Variants in ADGRV1 observed in about 807,000 individuals in gnomAD.
ADGRV1 encodes the protein G-protein coupled receptor 98.
A neutral mutation model predicts 596.2 loss-of-function variants in ADGRV1; 359 were observed. That is an observed-to-expected ratio of 0.60 (90% CI 0.55 to 0.66). ADGRV1 has a LOEUF of 0.66. Among genes scored for constraint, ADGRV1 ranks in the 30% least tolerant of loss-of-function variants. The pLI is 0.00. For missense variants in ADGRV1, 7,274 were observed against 7,575.6 expected, an observed-to-expected ratio of 0.96 and a Z score of 1.48; for synonymous variants, 2,681 against 2,679.2, an observed-to-expected ratio of 1.00 and a Z score of -0.02.
At chr5:91,024,069 A>C (rs894477360) in intron 85 of ADGRV1, among the ~76,000 whole-genome samples, 1 of 152,166 alleles carries the variant, frequency 6.6e-6, no homozygotes, top group African/African-American at 2.4e-5. Flanking sequence ...GGGGCCAAGC[A>C]TGAGTAGGTT....
At chr5:90,818,873 T>A (rs1308177775) in intron 75 of ADGRV1, among the ~76,000 whole-genome samples, 4 of 149,324 alleles carry the variant, frequency 2.7e-5, no homozygotes, top group Admixed American at 1.3e-4. Flanking sequence ...GGTCTAAAAT[T>A]CTCTTTTTTG....
chr5:90,791,407 G>A lies in ADGRV1; in HGVS notation c.14517+61G>A, dbSNP rs992946652. On this transcript the variant is annotated intron_variant, in intron 70 of 89. Transcript: ENST00000405460. ...ATAAAACCCTTTCAGGAGTGCCCATGCTTACCTCATAATCAGTTTGAAATC... is the reference window on the plus strand; with the variant it reads ...ATAAAACCCTTTCAGGAGTGCCCATACTTACCTCATAATCAGTTTGAAATC... 1.1e-5 allele frequency: 13 copies of A among 1,201,258 alleles called. 1 individual carries two copies. The African/African-American group carries it at 1.2e-4, about 11-fold the overall frequency. The allele number at this position is 1,201,258 out of a possible 1,614,324, so 74.4% of individuals were successfully genotyped here.
At chr5:90,850,856 C>T (rs1372271421) in intron 79 of ADGRV1, 1 of 152,002 alleles carries the variant, frequency 6.6e-6, no homozygotes, top group African/African-American at 2.4e-5. Flanking sequence ...GCTGTATTCA[C>T]TGGGCCTAGA....
chr5:90,566,245 A>T (rs1446131683), intron 1 of ADGRV1, among the ~76,000 whole-genome samples: 2 of 152,192 alleles, frequency 1.3e-5, no homozygotes, highest in Non-Finnish European at 2.9e-5. Flanking sequence ...GCCTGATACA[A>T]GGTCACAAAA....
At chr5:90,629,785 G>A (rs888766691) in intron 9 of ADGRV1, 7 of 320,018 alleles carry the variant, frequency 2.2e-5, no homozygotes, top group South Asian at 1.2e-4. Flanking sequence ...TACACCAGAC[G>A]TGAAATGCCA....
chr5:91,138,324 A>G (rs1794814857), intron 87 of ADGRV1, among the ~76,000 whole-genome samples: 1 of 151,252 alleles, frequency 6.6e-6, no homozygotes, highest in African/African-American at 2.4e-5. Flanking sequence ...CTAAAATTTG[A>G]TATCAATTTT....
chr5:90,677,130 C>T (rs760661853), intron 25 of ADGRV1, among the ~76,000 whole-genome samples: 11 of 152,022 alleles, frequency 7.2e-5, no homozygotes, highest in African/African-American at 2.4e-4. Context: ...TTACAAAACC[C>T]GGTATCATTA....
intron 77 of ADGRV1, among the ~76,000 whole-genome samples, chr5:90,829,489 G>A (rs1209389887): frequency 6.6e-6 from 1 of 152,162 alleles, no homozygotes; most frequent in Non-Finnish European, 1.5e-5. Context: ...TCTTCAGAAT[G>A]TAACTGTTGA....
chr5:90,970,474 C>A (rs887998788), intron 84 of ADGRV1, among the ~76,000 whole-genome samples: 1 of 151,944 alleles, frequency 6.6e-6, no homozygotes, highest in Non-Finnish European at 1.5e-5. Context: ...AGGCATCCCC[C>A]AGTAGGGGCA....
chr5:90,926,550 G>A (rs1416465756), intron 83 of ADGRV1, among the ~76,000 whole-genome samples: 1 of 151,704 alleles, frequency 6.6e-6, no homozygotes, highest in Non-Finnish European at 1.5e-5. Flanking sequence ...CTTGCTAGCG[G>A]TCTATCAATT....
chr5:91,003,273 G>A (rs1411539086), intron 85 of ADGRV1, among the ~76,000 whole-genome samples: 1 of 152,170 alleles, frequency 6.6e-6, no homozygotes, highest in East Asian at 1.9e-4. Flanking sequence ...TGAATACCAG[G>A]TAAACCATTA....
At chr5:91,019,611 C>T (rs1384663385) in intron 85 of ADGRV1, among the ~76,000 whole-genome samples, 2 of 151,832 alleles carry the variant, frequency 1.3e-5, no homozygotes, top group Admixed American at 6.6e-5. Flanking sequence ...GATATGATGC[C>T]ACTTGATCCC....
At chr5:90,580,952 A>C (rs1757951199) in intron 1 of ADGRV1, among the ~76,000 whole-genome samples, 1 of 151,814 alleles carries the variant, frequency 6.6e-6, no homozygotes, top group Non-Finnish European at 1.5e-5. Flanking sequence ...TGTTCGTTTT[A>C]TTTTACTCTT....
At chr5:90,744,981 T>C (rs984118356) in intron 50 of ADGRV1, 65 bp from the exon 51 acceptor site, 6 of 1,157,288 alleles carry the variant, frequency 5.2e-6, no homozygotes, top group Non-Finnish European at 7.7e-6. Context: ...TTGGAACCGA[T>C]GCAGGGAGTG....
At chr5:91,039,216 T>G (rs1489509142) in intron 85 of ADGRV1, among the ~76,000 whole-genome samples, 1 of 152,152 alleles carries the variant, frequency 6.6e-6, no homozygotes, top group Non-Finnish European at 1.5e-5. Context: ...AGTAAAAACT[T>G]TCAGATCAGG....
rs138021350 is a variant in ADGRV1 at position 90,629,175 on chromosome 5, A to T, written c.1510-35A>T. On this transcript the variant is annotated intron_variant, in intron 8 of 89. Transcript: ENST00000405460. ...GAGTTTGATCATCTCAGATGCGAGA[A>T]TTCTGTACTTTAATATTTTATTCCT... is the stretch of plus-strand genomic sequence containing the variant. 290 of 1,252,240 alleles carry T rather than the reference A, an allele frequency of 2.3e-4. 1 individual carries two copies. In the African/African-American group the frequency reaches 3.2e-3, roughly 14 times the overall value. The allele number at this position is 1,252,240 out of a possible 1,614,324, so 77.6% of individuals were successfully genotyped here. A position where few individuals can be genotyped will look rare whatever the true frequency, so the allele number is the denominator to read the frequency against.
intron 87 of ADGRV1, 47 bp from the exon 88 acceptor site, chr5:91,149,983 T>G: frequency 1.9e-5 from 27 of 1,447,462 alleles, no homozygotes; most frequent in East Asian, 2.5e-5. Flanking sequence ...GACATGCTGA[T>G]GTTCTTTTTC....
chr5:90,753,937 G>T, intron 54 of ADGRV1, 108 bp downstream of exon 54: 1 of 1,117,970 alleles, frequency 8.9e-7, no homozygotes, highest in South Asian at 1.9e-5. Flanking sequence ...GACTTTTTCA[G>T]TTTGGCAGGT....
intron 85 of ADGRV1, among the ~76,000 whole-genome samples, chr5:91,011,967 C>T (rs1782758181): frequency 1.3e-5 from 2 of 151,840 alleles, no homozygotes; most frequent in Non-Finnish European, 2.9e-5. Context: ...CCTCTCTTCA[C>T]GGCCAATAAA....
Sources: gnomAD v4.1 joint callset for allele counts (sites outside exome capture counted in the v4.1 genomes callset) on GRCh38, gnomAD v4.1.1 for gene constraint, MANE v1.5 for transcripts, NCBI Gene and HGNC (gene_info 2026-07-23, HGNC 2026-07-21) for gene names.